ADK: variants seen among roughly 807,000 people sequenced by gnomAD.
ADK encodes adenosine kinase, also known as N6,N6-dimethyladenosine kinase.
ADK carries 24 observed loss-of-function variants against 44.7 expected under a neutral mutation model. That is an observed-to-expected ratio of 0.54 (90% CI 0.39 to 0.76). The LOEUF is 0.76. ADK is among the 30% of genes least tolerant of loss of function. The pLI is 0.00. For missense variants in ADK, 321 were observed against 425.1 expected (o/e 0.76, Z 2.15); for synonymous variants, 128 against 142.6 (o/e 0.90, Z 0.73).
chr10:74,317,342 A>C (rs1395051894), intron 4 of ADK, among the ~76,000 whole-genome samples: 2 of 152,194 alleles, frequency 1.3e-5, no homozygotes, highest in African/African-American at 2.4e-5. Context: ...CTTAAGTTTG[A>C]TAATTGATGC....
chr10:74,312,857 T>C (rs1840485747), intron 3 of ADK, among the ~76,000 whole-genome samples: 1 of 132,340 alleles, frequency 7.6e-6, no homozygotes. Context: ...GAGGCTGCAT[T>C]GAGCTATGTT....
At chr10:74,637,957 T>C (rs1184999192) in intron 9 of ADK, among the ~76,000 whole-genome samples, 2 of 152,224 alleles carry the variant, frequency 1.3e-5, no homozygotes, top group Non-Finnish European at 2.9e-5. Flanking sequence ...GTTTATTGTA[T>C]GTCAATCATG....
intron 9 of ADK, among the ~76,000 whole-genome samples, chr10:74,648,340 T>TA (rs1290932935): frequency 6.6e-6 from 1 of 152,282 alleles, no homozygotes; most frequent in East Asian, 1.9e-4. Flanking sequence ...TAAGTAAATA[T>TA]AAAAACCAGT....
At chr10:74,629,499 C>T (rs771220526) in intron 9 of ADK, among the ~76,000 whole-genome samples, 1 of 152,186 alleles carries the variant, frequency 6.6e-6, no homozygotes, top group Non-Finnish European at 1.5e-5. Context: ...ATGTCTATGA[C>T]AGGAAGCCAG....
At chr10:74,620,105 C>T (rs567511539) in intron 9 of ADK, among the ~76,000 whole-genome samples, 76 of 152,302 alleles carry the variant, frequency 5.0e-4, no homozygotes, top group Non-Finnish European at 8.8e-4. Flanking sequence ...TTTATCATTT[C>T]TTTGTATTGT....
chr10:74,382,417 C>T (rs1018950212), intron 4 of ADK, among the ~76,000 whole-genome samples: 5 of 152,060 alleles, frequency 3.3e-5, no homozygotes, highest in Admixed American at 2.6e-4. Context: ...CCGTTTTGTC[C>T]TGGTTTTAAT....
At chr10:74,629,420 C>T (rs1273546678) in intron 9 of ADK, among the ~76,000 whole-genome samples, 1 of 152,134 alleles carries the variant, frequency 6.6e-6, no homozygotes, top group Non-Finnish European at 1.5e-5. Flanking sequence ...AAGATATGAG[C>T]AGAGCAAAAT....
intron 7 of ADK, among the ~76,000 whole-genome samples, chr10:74,573,910 A>C (rs995228074): frequency 2.0e-5 from 3 of 152,008 alleles, no homozygotes; most frequent in African/African-American, 7.3e-5. Flanking sequence ...GCCGTCTGTC[A>C]CCCCTTTCTT....
chr10:74,609,671 C>G (rs981229594), intron 9 of ADK, among the ~76,000 whole-genome samples: 1 of 152,050 alleles, frequency 6.6e-6, no homozygotes. Context: ...CAGACCGGAG[C>G]TGTTCCTATT....
rs1840142261 is a variant in ADK, at chr10:74,303,588, G to GTTTTTTTTTTTTTTTTGTTT, written c.195-11063_195-11062insGTTTTTTTTTTTTTTTTTTT. ...CACTTTTCATATTGGTTTTAATGTT[G>GTTTTTTTTTTTTTTTTGTTT]TTTTTTTTTTTTTTTTTTTTTTTTT... is the stretch of plus-strand genomic sequence containing the variant. On this transcript the variant is annotated intron_variant, in intron 3 of 10. Transcript: ENST00000539909. 7.3e-5 allele frequency among the ~76,000 whole-genome samples: 5 copies of GTTTTTTTTTTTTTTTTGTTT among 68,578 alleles called. No homozygotes were observed. In the East Asian group the frequency reaches 2.3e-3, roughly 31 times the overall value. The allele number at this position is 68,578 out of a possible 152,430, so 45.0% of individuals were successfully genotyped here.
intron 10 of ADK, among the ~76,000 whole-genome samples, chr10:74,676,015 C>T (rs1855374622): frequency 6.8e-6 from 1 of 147,198 alleles, no homozygotes; most frequent in South Asian, 2.2e-4. Flanking sequence ...AGACTAGAGA[C>T]TTCACCCAAG....
chr10:74,628,765 A>G (rs1185877172), intron 9 of ADK, among the ~76,000 whole-genome samples: 3 of 152,032 alleles, frequency 2.0e-5, no homozygotes, highest in African/African-American at 7.2e-5. Context: ...ATGTAAAAGG[A>G]GTTATATTGG....
At chr10:74,448,597 C>T (rs1296350448) in intron 6 of ADK, among the ~76,000 whole-genome samples, 1 of 152,100 alleles carries the variant, frequency 6.6e-6, no homozygotes, top group African/African-American at 2.4e-5. Flanking sequence ...GCCATGTTCT[C>T]TTTTTCCTTT....
intron 1 of ADK, among the ~76,000 whole-genome samples, chr10:74,190,389 T>A (rs1002754487): frequency 7.2e-5 from 11 of 152,208 alleles, no homozygotes; most frequent in Admixed American, 1.3e-4. Flanking sequence ...GCTTAGGGCC[T>A]TCTCAGGTCT....
chr10:74,584,601 C>A (rs1851471282), intron 7 of ADK, among the ~76,000 whole-genome samples: 1 of 152,122 alleles, frequency 6.6e-6, no homozygotes. Context: ...GAAAGACAGA[C>A]ACCCCCCTGT....
At chr10:74,575,758 A>G (rs558845204) in intron 7 of ADK, among the ~76,000 whole-genome samples, 1 of 152,124 alleles carries the variant, frequency 6.6e-6, no homozygotes, top group Admixed American at 6.5e-5. Context: ...TAGTTTTTTC[A>G]AGCAAAAGCT....
At chr10:74,462,361 A>G (rs1004090595) in intron 6 of ADK, among the ~76,000 whole-genome samples, 2 of 152,274 alleles carry the variant, frequency 1.3e-5, no homozygotes, top group South Asian at 4.1e-4. Context: ...TCTTTCTAAG[A>G]GTATATTTTA....
intron 10 of ADK, among the ~76,000 whole-genome samples, chr10:74,707,880 C>T (rs750276970): frequency 2.0e-5 from 3 of 151,542 alleles, no homozygotes; most frequent in Admixed American, 6.6e-5. Context: ...AAAGATCTCC[C>T]GACCGGGCAC....
At chr10:74,241,367 A>G (rs1845197867) in intron 3 of ADK, among the ~76,000 whole-genome samples, 2 of 152,174 alleles carry the variant, frequency 1.3e-5, no homozygotes, top group African/African-American at 2.4e-5. Context: ...ATGAACCAAT[A>G]TTGACACATC....
Sources: allele counts gnomAD v4.1 joint callset (sites outside exome capture counted in the v4.1 genomes callset), GRCh38; gene constraint gnomAD v4.1.1; transcripts MANE v1.5; gene names NCBI Gene and HGNC (gene_info 2026-07-23, HGNC 2026-07-21).